Variants in SEL1L2 observed in about 807,000 individuals in gnomAD.
SEL1L2 encodes protein sel-1 homolog 2.
SEL1L2 carries 89 observed loss-of-function variants against 98.8 expected under a neutral mutation model. That is an observed-to-expected ratio of 0.90 (90% CI 0.76 to 1.07). The LOEUF (loss-of-function observed/expected upper bound fraction) is 1.07. Among genes scored for constraint, SEL1L2 ranks in the 50% least tolerant of loss-of-function variants. The pLI, the probability that SEL1L2 is intolerant of heterozygous loss-of-function variation, is 0.00. For synonymous variants in SEL1L2, 262 were observed against 278.5 expected (o/e 0.94, Z 0.59); for missense variants, 788 against 812.0 (o/e 0.97, Z 0.36).
intron 4 of SEL1L2, among the ~76,000 whole-genome samples, chr20:13,917,366 C>A (rs1284559275): frequency 2.0e-5 from 3 of 152,128 alleles, no homozygotes; most frequent in Non-Finnish European, 2.9e-5. Context: ...GTTGGTTGAA[C>A]CACCCCCTCA....
At chr20:13,924,354 C>T (rs1313162675) in intron 3 of SEL1L2, among the ~76,000 whole-genome samples, 1 of 150,234 alleles carries the variant, frequency 6.7e-6, no homozygotes, top group African/African-American at 2.4e-5. Flanking sequence ...TTAATGTTCT[C>T]TTCTACTATG....
At chr20:13,860,170 G>A (rs1444127429) in intron 17 of SEL1L2, among the ~76,000 whole-genome samples, 8 of 152,196 alleles carry the variant, frequency 5.3e-5, no homozygotes, top group South Asian at 2.1e-4. Context: ...AATCCTGTCC[G>A]CCATTCAAAC....
chr20:13,947,399 A>C (rs979993956), intron 2 of SEL1L2, among the ~76,000 whole-genome samples: 1 of 152,046 alleles, frequency 6.6e-6, no homozygotes, highest in East Asian at 1.9e-4. Context: ...TCTCATCTCC[A>C]GTAAGAGCTG....
At chr20:13,934,475 C>T (rs59065518) in intron 2 of SEL1L2, among the ~76,000 whole-genome samples, 10 of 600 alleles carry the variant, frequency 0.017, no homozygotes, top group Non-Finnish European at 0.066. Context: ...TATATATATT[C>T]CATATATATA....
chr20:13,974,076 T>A (rs1010027168), intron 1 of SEL1L2, among the ~76,000 whole-genome samples: 4 of 152,106 alleles, frequency 2.6e-5, no homozygotes. Context: ...GATTCTATCT[T>A]CTTTGTGTGG....
At position 13,936,789 on chromosome 20, in the gene SEL1L2, C is replaced by T. The variant is rs117232999; in HGVS notation, c.115-5018G>A. Among the ~76,000 whole-genome samples, 306 of 152,320 alleles carry T rather than the reference C, an allele frequency of 2.0e-3. 2 individuals carry two copies. The highest frequency in any genetic ancestry group is 0.018 in the East Asian group (93 of 5,184). On this transcript the variant is annotated intron_variant, in intron 2 of 19. Transcript: ENST00000284951. ...AATTCCCCTGTCTTGATACATCTAT[C>T]AGGGCAGAAGACAAGATGAACCCAT...
intron 1 of SEL1L2, among the ~76,000 whole-genome samples, chr20:13,964,975 T>C (rs1028464077): frequency 1.3e-5 from 2 of 152,144 alleles, no homozygotes; most frequent in Non-Finnish European, 2.9e-5. Flanking sequence ...AACCCCCTAT[T>C]TGAGAGTTTC....
rs759067556 is a variant in SEL1L2, at chr20:13,866,757, G to T, written c.1349C>A (p.Ala450Asp). Reference sequence around the variant, plus strand: ...TCCTGTTCCTGTTGCATACATCTTGGCCAGATAATAAATGGCAAGGGGCTG... The same window carrying T: ...TCCTGTTCCTGTTGCATACATCTTGTCCAGATAATAAATGGCAAGGGGCTG... Reference protein sequence around the residue: ...SGQPLAIYYLAKMYATGTGVV... With the variant: ...SGQPLAIYYLDKMYATGTGVV... Residue 450 changes from alanine to aspartate, a missense_variant, in exon 15 of 20, where the codon GCC becomes GAC. Transcript: ENST00000284951. The T allele has an allele frequency of 1.2e-6, 2 of 1,611,926 alleles. No homozygotes were observed. The highest frequency in any genetic ancestry group is 2.2e-5 in the South Asian group (2 of 90,630).
Position 13,990,458 on chromosome 20 carries a change from T to C in SEL1L2, c.58+19A>G. 6.3e-7 allele frequency: 1 copy of C among 1,575,852 alleles called. No individual in the cohort carries two copies. Among genetic ancestry groups the C allele is most frequent in the South Asian group, 1.1e-5 (1 of 90,038 alleles). ...GAGAAGAGACCCTCATAGAGAACTC[T>C]AAGGACAAAAAAACTTACTTTTAAT... On this transcript the variant is annotated intron_variant, in intron 1 of 19. Transcript: ENST00000284951.
At chr20:13,970,619 G>A (rs2051241561) in intron 1 of SEL1L2, among the ~76,000 whole-genome samples, 1 of 152,086 alleles carries the variant, frequency 6.6e-6, no homozygotes, top group Non-Finnish European at 1.5e-5. Flanking sequence ...GATCACCTGA[G>A]GTCAGGAGTT....
chr20:13,960,423 A>G (rs2050727635), intron 1 of SEL1L2, among the ~76,000 whole-genome samples: 1 of 152,236 alleles, frequency 6.6e-6, no homozygotes, highest in African/African-American at 2.4e-5. Flanking sequence ...GCATAAGCAT[A>G]TAACTGAAGG....
chr20:13,991,591 A>G (rs2052534918), upstream of SEL1L2, among the ~76,000 whole-genome samples: 1 of 152,104 alleles, frequency 6.6e-6, no homozygotes, highest in African/African-American at 2.4e-5. Context: ...CTCAGTCATC[A>G]CTTGCCTTCT....
chr20:13,856,561 C>A (rs1989198710), intron 18 of SEL1L2, among the ~76,000 whole-genome samples: 1 of 152,188 alleles, frequency 6.6e-6, no homozygotes, highest in African/African-American at 2.4e-5. Context: ...TCCCATTATT[C>A]ATTGTTCCCA....
intron 5 of SEL1L2, among the ~76,000 whole-genome samples, chr20:13,907,117 T>C (rs987097157): frequency 9.2e-5 from 14 of 152,250 alleles, no homozygotes; most frequent in Non-Finnish European, 1.9e-4. Flanking sequence ...TGTTTATTTT[T>C]ACATGATAGA....
rs1030059131 is a variant in SEL1L2 at position 13,849,289 on chromosome 20, G to A, written c.*196C>T. 46 of 591,358 alleles carry A rather than the reference G, an allele frequency of 7.8e-5. 1 individual carries two copies. The East Asian group carries it at 8.3e-4, about 11-fold the overall frequency. 36.6% of individuals were successfully genotyped at this position (591,358 alleles called of 1,614,324 possible). A position where few individuals can be genotyped will look rare whatever the true frequency, so the allele number is the denominator to read the frequency against. ...TTAGGTGACCAGTTCCCAGCATCCC[G>A]CAAAGGGTTTTCTCTACTAAGCAGG... On this transcript the variant is annotated 3_prime_UTR_variant, in exon 20 of 20. Coordinates refer to ENST00000284951, the MANE Select transcript of SEL1L2 (RefSeq NM_025229.2).
intron 3 of SEL1L2, among the ~76,000 whole-genome samples, chr20:13,930,827 G>A (rs576476989): frequency 1.3e-5 from 2 of 151,984 alleles, no homozygotes; most frequent in South Asian, 2.1e-4. Context: ...GCTCTTATTA[G>A]CAGTGATCAC....
chr20:13,886,515 A>G, intron 8 of SEL1L2, 73 bp from the exon 9 acceptor site: 1 of 1,214,098 alleles, frequency 8.2e-7, no homozygotes, highest in South Asian at 1.4e-5. Flanking sequence ...TTTAGAGAAA[A>G]CACCGTTAGC....
intron 10 of SEL1L2, among the ~76,000 whole-genome samples, chr20:13,880,564 C>A (rs1185118691): frequency 1.3e-5 from 2 of 152,080 alleles, no homozygotes; most frequent in Non-Finnish European, 2.9e-5. Flanking sequence ...ACGAGCCAAC[C>A]TGAGTTCTTG....
chr20:13,888,253 C>T (rs1483984773), intron 6 of SEL1L2, among the ~76,000 whole-genome samples: 5 of 152,144 alleles, frequency 3.3e-5, no homozygotes, highest in Admixed American at 2.0e-4. Context: ...CCTTATGAAG[C>T]AGATATTATC....
Sources: gnomAD v4.1 joint callset for allele counts (sites outside exome capture counted in the v4.1 genomes callset) on GRCh38, gnomAD v4.1.1 for gene constraint, MANE v1.5 for transcripts, NCBI Gene and HGNC (gene_info 2026-07-23, HGNC 2026-07-21) for gene names.